The following EXOC3L2 variants were observed in gnomAD, a reference collection of about 807,000 sequenced individuals.
The protein encoded by EXOC3L2 is exocyst complex component 3 like 2.
In EXOC3L2, 17 loss-of-function variants were observed where a neutral mutation model predicts 44.4. The observed-to-expected ratio is 0.38, with a 90% CI of 0.26 to 0.57. The LOEUF (loss-of-function observed/expected upper bound fraction) is 0.57, where lower values mean the gene tolerates loss of function less well. Ranked by LOEUF, EXOC3L2 falls within the 20% of genes least tolerant of loss-of-function variation. EXOC3L2 has a pLI of 0.65. For synonymous variants in EXOC3L2, 256 were observed against 253.7 expected (o/e 1.01, Z -0.09); for missense variants, 541 against 588.4 (o/e 0.92, Z 0.83).
chr19:45,226,973 T>G lies in EXOC3L2; in HGVS notation c.1583+689A>C, dbSNP rs374319307. Among the ~76,000 whole-genome samples the G allele has an allele frequency of 1.2e-4, 17 of 141,342 alleles. No individual in the cohort carries two copies. The East Asian group carries it at 3.0e-3, about 25-fold the overall frequency. 92.7% of individuals were successfully genotyped at this position (141,342 alleles called of 152,430 possible). A position where few individuals can be genotyped will look rare whatever the true frequency, so the allele number is the denominator to read the frequency against. ...TTTCACTGTGTTAGCCAGGATGGTC[T>G]CGATCTCCTGACCTCATGATCTACC... On this transcript the variant is annotated intron_variant, in intron 7 of 11. Transcript: ENST00000413988.
chr19:45,218,667 T>A (rs1374207905), intron 8 of EXOC3L2, among the ~76,000 whole-genome samples: 1 of 151,808 alleles, frequency 6.6e-6, no homozygotes, highest in Non-Finnish European at 1.5e-5. Flanking sequence ...CTTAGCCAAG[T>A]GAGGGATGGG....
intron 4 of EXOC3L2, among the ~76,000 whole-genome samples, chr19:45,231,021 C>T (rs1388866026): frequency 6.6e-6 from 1 of 151,564 alleles, no homozygotes; most frequent in Non-Finnish European, 1.5e-5. Context: ...CCCAGGAGTT[C>T]GAGGCTGTAG....
intron 4 of EXOC3L2, among the ~76,000 whole-genome samples, chr19:45,229,569 G>A (rs1245889911): frequency 6.7e-6 from 1 of 148,596 alleles, no homozygotes; most frequent in East Asian, 1.9e-4. Context: ...CATGTGACCA[G>A]GTGCGGTGGC....
At chr19:45,240,868 C>T (rs1970125808) in intron 1 of EXOC3L2, among the ~76,000 whole-genome samples, 1 of 152,078 alleles carries the variant, frequency 6.6e-6, no homozygotes, top group East Asian at 1.9e-4. Context: ...CACACCACCG[C>T]ATTCTGGCCT....
chr19:45,239,630 C>T (rs1446002521), intron 1 of EXOC3L2, among the ~76,000 whole-genome samples: 1 of 151,982 alleles, frequency 6.6e-6, no homozygotes, highest in African/African-American at 2.4e-5. Flanking sequence ...AAGCAAGTCT[C>T]CTGCCTCAGC....
intron 7 of EXOC3L2, among the ~76,000 whole-genome samples, chr19:45,226,747 C>CTTTTTTTTTTTTTTTTTTTTT (rs957385712): frequency 1.1e-5 from 1 of 90,654 alleles, no homozygotes; most frequent in East Asian, 3.3e-4. Context: ...ACTCCCATCT[C>CTTTTTTTTTTTTTTTTTTTTT]TTTTTTTTTT....
At chr19:45,244,434 C>T (rs1350929698) in intron 1 of EXOC3L2, among the ~76,000 whole-genome samples, 1 of 152,158 alleles carries the variant, frequency 6.6e-6, no homozygotes, top group African/African-American at 2.4e-5. Flanking sequence ...CATCCCCAAA[C>T]CTGGCTGCAA....
At chr19:45,224,664 C>T (rs1475063384) in intron 8 of EXOC3L2, 114 bp downstream of exon 8, 1 of 1,406,302 alleles carries the variant, frequency 7.1e-7, no homozygotes, top group Non-Finnish European at 9.4e-7. Context: ...TGCCCCCCGC[C>T]CCTGTCTGCT....
intron 4 of EXOC3L2, among the ~76,000 whole-genome samples, chr19:45,229,474 A>G (rs2122978050): frequency 6.8e-6 from 1 of 147,494 alleles, no homozygotes; most frequent in African/African-American, 2.5e-5. Context: ...TAGCACATGA[A>G]ATATGTAATC....
intron 2 of EXOC3L2, among the ~76,000 whole-genome samples, chr19:45,237,415 T>G (rs939022302): frequency 2.0e-5 from 3 of 152,034 alleles, no homozygotes; most frequent in Admixed American, 1.3e-4. Context: ...GTGGGAGGAT[T>G]GCTTGAGCCC....
chr19:45,234,788 C>G lies in EXOC3L2; in HGVS notation c.562G>C (p.Ala188Pro). 1 of 396,316 alleles carries G rather than the reference C, an allele frequency of 2.5e-6. No individual in the cohort carries two copies. The highest frequency in any genetic ancestry group is 4.5e-6 in the Non-Finnish European group (1 of 224,524). 24.5% of individuals were successfully genotyped at this position (396,316 alleles called of 1,614,324 possible). The change falls in exon 3 of 12, where the codon GCG becomes CCG. Residue 188 changes from alanine to proline, a missense_variant. Ala to Pro is a conservative substitution (Grantham distance 27). Coordinates refer to ENST00000413988, the MANE Select transcript of EXOC3L2 (RefSeq NM_001382422.1). This position sits in a 1 kb window ranked among gnomAD's most constrained non-coding sequence, Gnocchi z 5.0. Reference sequence around the variant, plus strand: ...TCCAGGATGTGCTCGTCCGCACGCGCTAGTTCGCGCTGCTGGATCAGGCTC... The same window carrying G: ...TCCAGGATGTGCTCGTCCGCACGCGGTAGTTCGCGCTGCTGGATCAGGCTC... Reference protein sequence around the residue: ...ILSLIQQRELARADEHILELE... With the variant: ...ILSLIQQRELPRADEHILELE...
chr19:45,234,823 A>C lies in EXOC3L2; in HGVS notation c.527T>G (p.Leu176Arg). ...CTGCTGGATCAGGCTCAGGATCTCC[A>C]GCACTGCGGGAGCAAAGCGGGAGGT... Reference protein sequence around the residue: ...PPKMKEPLSVLEILSLIQQRE... With the variant: ...PPKMKEPLSVREILSLIQQRE... Residue 176 changes from leucine (L) to arginine (R), a missense_variant, in exon 3 of 12, where the codon CTG becomes CGG. Transcript: ENST00000413988. The surrounding 1 kb of genome is among the most constrained non-coding windows in gnomAD (Gnocchi z 5.0). 2.5e-6 allele frequency: 1 copy of C among 393,110 alleles called. No homozygotes were observed. Among genetic ancestry groups the C allele is most frequent in the Non-Finnish European group, 4.5e-6 (1 of 222,412 alleles). 24.4% of individuals were successfully genotyped at this position (393,110 alleles called of 1,614,324 possible). A position where few individuals can be genotyped will look rare whatever the true frequency, so the allele number is the denominator to read the frequency against.
intron 7 of EXOC3L2, among the ~76,000 whole-genome samples, chr19:45,226,329 A>C (rs8109063): frequency 0.085 from 12,910 of 152,204 alleles, 737 homozygotes; most frequent in African/African-American, 0.16. Flanking sequence ...TGGCCAGGCA[A>C]GGTGGCTCAT....
At chr19:45,240,725 G>A (rs566152763) in intron 1 of EXOC3L2, among the ~76,000 whole-genome samples, 19 of 152,086 alleles carry the variant, frequency 1.2e-4, no homozygotes, top group Admixed American at 5.2e-4. Context: ...GTGAAACCCC[G>A]TCTCTACTAA....
In EXOC3L2 at chr19:45,220,260, T is replaced by C. The variant is rs147898480; in HGVS notation, c.1720-1941A>G. On this transcript the variant is annotated intron_variant, in intron 8 of 11. Coordinates refer to ENST00000413988, the MANE Select transcript of EXOC3L2 (RefSeq NM_001382422.1). ...ACTTTGGGAGGCTGAGGCTCAAGAA[T>C]TGCTTGAGCCAAGGGCAACATAGTA... Among the ~76,000 whole-genome samples the C allele has an allele frequency of 5.9e-3, 898 of 152,170 alleles. 7 individuals are homozygous for C. The highest frequency in any genetic ancestry group is 9.6e-3 in the Non-Finnish European group (656 of 68,018).
chr19:45,226,498 G>A (rs1460100933), intron 7 of EXOC3L2, among the ~76,000 whole-genome samples: 4 of 152,082 alleles, frequency 2.6e-5, no homozygotes, highest in South Asian at 2.1e-4. Context: ...GTGCAGTGAC[G>A]GGATCTTGGC....
intron 7 of EXOC3L2, among the ~76,000 whole-genome samples, chr19:45,227,056 A>ATC (rs199948139): frequency 2.1e-5 from 3 of 145,148 alleles, no homozygotes; most frequent in East Asian, 2.0e-4. Flanking sequence ...CCTGGCCCCC[A>ATC]TCTCTCTCTC....
At chr19:45,228,960 A>G (rs1188409338) in intron 4 of EXOC3L2, among the ~76,000 whole-genome samples, 1 of 151,192 alleles carries the variant, frequency 6.6e-6, no homozygotes, top group East Asian at 1.9e-4. Context: ...AGTCCCAGCT[A>G]CTCAGGAGGC....
rs199861385 is a variant in EXOC3L2, at chr19:45,213,083, G to A, written c.2395C>T (p.Arg799Trp). The A allele has an allele frequency of 1.3e-5, 20 of 1,506,376 alleles. No homozygotes were observed. The highest frequency in any genetic ancestry group is 9.9e-5 in the Admixed American group (4 of 40,352). 93.3% of individuals were successfully genotyped at this position (1,506,376 alleles called of 1,614,324 possible). The change falls in exon 12 of 12, where the codon CGG becomes TGG. Residue 799 changes from arginine (R) to tryptophan (W), a missense_variant. Arg to Trp is a moderately radical substitution (Grantham distance 101). Coordinates refer to ENST00000413988, the MANE Select transcript of EXOC3L2 (RefSeq NM_001382422.1). ...RPRPPSLARP[R>W]AQR ...TTGGGTGACCCTCAGCGCTGGGCCC[G>A]AGGTCGCGCTAGAGACGGAGGCCGG...
Sources: allele counts gnomAD v4.1 joint callset (sites outside exome capture counted in the v4.1 genomes callset), GRCh38; gene constraint gnomAD v4.1.1; non-coding constraint Gnocchi (gnomAD v3.1); transcripts MANE v1.5; gene names NCBI Gene and HGNC (gene_info 2026-07-23, HGNC 2026-07-21).